The following FAM209B variants were observed in gnomAD, a reference collection of about 807,000 sequenced individuals.
FAM209B encodes the protein family with sequence similarity 209 member B.
A neutral mutation model predicts 8.9 loss-of-function variants in FAM209B; 8 were observed. The ratio of observed to expected loss-of-function variants is 0.90; its 90% CI spans 0.53 to 1.62. The LOEUF (loss-of-function observed/expected upper bound fraction) is 1.62, where lower values mean the gene tolerates loss of function less well. Among genes scored for constraint, FAM209B ranks in the 40% most tolerant of loss-of-function variants. The pLI is 0.00. For missense variants in FAM209B, 175 were observed against 205.3 expected, an observed-to-expected ratio of 0.85 and a Z score of 0.90; for synonymous variants, 67 against 75.0, an observed-to-expected ratio of 0.89 and a Z score of 0.55.
chr20:56,535,585 C>T (rs905615670), intron 1 of FAM209B, among the ~76,000 whole-genome samples: 2 of 151,448 alleles, frequency 1.3e-5, no homozygotes, highest in Admixed American at 6.6e-5. Flanking sequence ...GGCAAGATTC[C>T]GTCTCACAAA....
chr20:56,535,221 C>CA lies in FAM209B; in HGVS notation c.250-937dup, dbSNP rs879921841. ...TGGGCGACAAAGTGAGACTCTGTCTCAAAAAAAAAAAAAATTAGCTGGTAT... is the reference window on the plus strand; with the variant it reads ...TGGGCGACAAAGTGAGACTCTGTCTCAAAAAAAAAAAAAAATTAGCTGGTAT... On this transcript the variant is annotated intron_variant, in intron 1 of 1. Transcript: ENST00000371325. 6.1e-3 allele frequency among the ~76,000 whole-genome samples: 805 copies of CA among 132,018 alleles called. 9 individuals are homozygous for CA. The highest frequency in any genetic ancestry group is 0.019 in the African/African-American group (681 of 35,810). 86.6% of individuals were successfully genotyped at this position (132,018 alleles called of 152,430 possible).
At chr20:56,533,707 T>C in intron 1 of FAM209B, 117 bp downstream of exon 1, 1 of 1,433,596 alleles carries the variant, frequency 7.0e-7, no homozygotes, top group Middle Eastern at 2.6e-4. Context: ...GACCTCATGG[T>C]CCTGGGCAAA....
intron 1 of FAM209B, among the ~76,000 whole-genome samples, chr20:56,534,291 T>A (rs1985885270): frequency 6.6e-6 from 1 of 151,980 alleles, no homozygotes; most frequent in African/African-American, 2.4e-5. Context: ...AATGATATCA[T>A]CCCAACAAAA....
chr20:56,534,021 C>T (rs556764379), intron 1 of FAM209B, among the ~76,000 whole-genome samples: 10 of 151,620 alleles, frequency 6.6e-5, no homozygotes, highest in Admixed American at 3.3e-4. Context: ...CTGGGCATGG[C>T]GGCGTGTGTC....
chr20:56,533,661 A>G, intron 1 of FAM209B, 71 bp downstream of exon 1: 1 of 1,591,444 alleles, frequency 6.3e-7, no homozygotes, highest in South Asian at 1.1e-5. Flanking sequence ...CGGATGTTCT[A>G]GTGAGTCTAG....
At chr20:56,534,918 G>C (rs952974615) in intron 1 of FAM209B, among the ~76,000 whole-genome samples, 1 of 151,424 alleles carries the variant, frequency 6.6e-6, no homozygotes. Flanking sequence ...GCGTAGTGGC[G>C]CATGCCTGTA....
rs759935728 is a variant in FAM209B at position 56,536,274 on chromosome 20, G to A, written c.352G>A (p.Glu118Lys). The A allele has an allele frequency of 8.7e-6, 14 of 1,613,202 alleles. 1 individual carries two copies. The highest frequency in any genetic ancestry group is 4.5e-5 in the East Asian group (2 of 44,876). ...YKDCVFNTLN[E>K]LEVELLKFVS... ...AGACTGTGTATTCAATACCTTAAAC[G>A]AACTTGAAGTGGAGCTTTTGAAATT... is the stretch of plus-strand genomic sequence containing the variant. The change falls in exon 2 of 2, where the codon GAA (glutamate) becomes AAA (lysine). Residue 118 changes from glutamate (E) to lysine (K), a missense_variant. This residue lies in a region of FAM209B where 166 missense variants were observed against 174.5 expected (regional missense o/e 0.95). Coordinates refer to ENST00000371325, the MANE Select transcript of FAM209B (RefSeq NM_001013646.4).
At chr20:56,535,543 A>T (rs1985946851) in intron 1 of FAM209B, among the ~76,000 whole-genome samples, 1 of 152,122 alleles carries the variant, frequency 6.6e-6, no homozygotes, top group African/African-American at 2.4e-5. Context: ...GTGAACCGAG[A>T]TCATGCCACT....
At chr20:56,536,029 G>A in intron 1 of FAM209B, 143 bp from the exon 2 acceptor site, 1 of 574,776 alleles carries the variant, frequency 1.7e-6, no homozygotes, top group Non-Finnish European at 2.9e-6. Context: ...CAGGTGGAGG[G>A]CCAAATTTGG....
At position 56,533,401 on chromosome 20, in the gene FAM209B, T is replaced by C; in HGVS notation, c.60T>C (p.Phe20=). The part of the protein sequence containing the change: ...LLLCLTCSYA[F]MFSSLRQKTS... ...TGTGCCTCACCTGCAGCTATGCCTTTATGTTCTCTTCTCTGAGACAGAAAA... is the reference window on the plus strand; with the variant it reads ...TGTGCCTCACCTGCAGCTATGCCTTCATGTTCTCTTCTCTGAGACAGAAAA... Residue 20 remains phenylalanine, a synonymous_variant, in exon 1 of 2, where the codon TTT becomes TTC. Transcript: ENST00000371325. 6.2e-7 allele frequency: 1 copy of C among 1,613,984 alleles called. No homozygotes were observed. The highest frequency in any genetic ancestry group is 2.2e-5 in the East Asian group (1 of 44,898).
chr20:56,534,823 G>A (rs1985914304), intron 1 of FAM209B, among the ~76,000 whole-genome samples: 1 of 150,776 alleles, frequency 6.6e-6, no homozygotes, highest in African/African-American at 2.4e-5. Flanking sequence ...GGAGGCCGAG[G>A]CGGACGGATC....
At chr20:56,535,963 A>G (rs997481456) in intron 1 of FAM209B, among the ~76,000 whole-genome samples, 1 of 152,174 alleles carries the variant, frequency 6.6e-6, no homozygotes, top group African/African-American at 2.4e-5. Flanking sequence ...GCAGCCTTAA[A>G]CAATATAGAA....
chr20:56,534,741 C>T (rs1985907863), intron 1 of FAM209B, among the ~76,000 whole-genome samples: 1 of 70,602 alleles, frequency 1.4e-5, no homozygotes, highest in African/African-American at 6.7e-5. Context: ...GAGTGAGACT[C>T]TGTCTCAAAA....
At chr20:56,534,443 C>T (rs1463485086) in intron 1 of FAM209B, among the ~76,000 whole-genome samples, 4 of 151,456 alleles carry the variant, frequency 2.6e-5, no homozygotes, top group Non-Finnish European at 4.4e-5. Context: ...GGTGAAACCT[C>T]GTCTTTACTA....
intron 1 of FAM209B, 69 bp from the exon 2 acceptor site, chr20:56,536,103 C>A: frequency 7.5e-7 from 1 of 1,328,702 alleles, no homozygotes; most frequent in Non-Finnish European, 1.0e-6. Context: ...ATGAGCCCAA[C>A]TGTCTTGGAA....
At chr20:56,535,798 C>G (rs1264551836) in intron 1 of FAM209B, among the ~76,000 whole-genome samples, 1 of 152,144 alleles carries the variant, frequency 6.6e-6, no homozygotes, top group African/African-American at 2.4e-5. Context: ...GTATTCTCCC[C>G]TAGAAAGACC....
chr20:56,535,212 ACT>A (rs1301953525), intron 1 of FAM209B, among the ~76,000 whole-genome samples: 1 of 147,426 alleles, frequency 6.8e-6, no homozygotes, highest in Non-Finnish European at 1.5e-5. Flanking sequence ...ACAAAGTGAG[ACT>A]CTGTCTCAAA....
intron 1 of FAM209B, among the ~76,000 whole-genome samples, chr20:56,534,405 A>G (rs1237659604): frequency 6.6e-6 from 1 of 151,498 alleles, no homozygotes; most frequent in Non-Finnish European, 1.5e-5. Context: ...ACTTGAGGTC[A>G]GGAGATTGAG....
intron 1 of FAM209B, among the ~76,000 whole-genome samples, chr20:56,535,764 TAGA>T (rs1428560235): frequency 1.3e-5 from 2 of 151,972 alleles, no homozygotes; most frequent in Non-Finnish European, 2.9e-5. Flanking sequence ...TTCTTTCAAG[TAGA>T]AGGAGAAAGG....
Sources: allele counts gnomAD v4.1 joint callset (sites outside exome capture counted in the v4.1 genomes callset), GRCh38; gene constraint gnomAD v4.1.1; regional missense constraint gnomAD v4.1.1; transcripts MANE v1.5; gene names NCBI Gene and HGNC (gene_info 2026-07-23, HGNC 2026-07-21).